BTRC: variants seen among roughly 807,000 people sequenced by gnomAD.
The protein encoded by BTRC is F-box/WD repeat-containing protein 1A.
BTRC carries 42 observed loss-of-function variants against 85.5 expected under a neutral mutation model. The ratio of observed to expected loss-of-function variants is 0.49; its 90% CI spans 0.38 to 0.64. BTRC has a LOEUF of 0.64. BTRC is among the 30% of genes least tolerant of loss of function. The pLI, the probability that BTRC is intolerant of heterozygous loss-of-function variation, is 0.00. For synonymous variants in BTRC, 255 were observed against 263.3 expected (o/e 0.97, Z 0.30); for missense variants, 594 against 743.5 (o/e 0.80, Z 2.34).
At chr10:101,534,347 A>G (rs1462353771) in intron 9 of BTRC, among the ~76,000 whole-genome samples, 4 of 152,202 alleles carry the variant, frequency 2.6e-5, no homozygotes, top group African/African-American at 9.7e-5. Flanking sequence ...TGCTATTGTT[A>G]TTAATCAGAT....
At chr10:101,487,403 T>C (rs1385584695) in intron 4 of BTRC, among the ~76,000 whole-genome samples, 1 of 152,176 alleles carries the variant, frequency 6.6e-6, no homozygotes, top group Non-Finnish European at 1.5e-5. Flanking sequence ...ACTTAAACAT[T>C]TCCTTTTGCT....
intron 4 of BTRC, among the ~76,000 whole-genome samples, chr10:101,491,960 G>T (rs1946144798): frequency 6.7e-6 from 1 of 148,806 alleles, no homozygotes; most frequent in African/African-American, 2.4e-5. Context: ...TGTATGTGTA[G>T]TTGTTGTTGT....
intron 1 of BTRC, among the ~76,000 whole-genome samples, chr10:101,425,139 T>G (rs1944216219): frequency 6.6e-6 from 1 of 152,220 alleles, no homozygotes; most frequent in South Asian, 2.1e-4. Context: ...TTCATTATTT[T>G]TTATGGCTAC....
At chr10:101,435,764 G>A (rs1944512417) in intron 2 of BTRC, among the ~76,000 whole-genome samples, 1 of 152,096 alleles carries the variant, frequency 6.6e-6, no homozygotes, top group African/African-American at 2.4e-5. Flanking sequence ...CTTTAAAAGA[G>A]ACAGTGAAGC....
intron 4 of BTRC, among the ~76,000 whole-genome samples, chr10:101,497,183 AT>A (rs1445256885): frequency 1.3e-5 from 2 of 152,162 alleles, no homozygotes; most frequent in African/African-American, 4.8e-5. Flanking sequence ...ATTATACCGG[AT>A]TGTTTTCTTT....
chr10:101,542,190 T>A (rs1321262731), intron 13 of BTRC, among the ~76,000 whole-genome samples: 2 of 152,194 alleles, frequency 1.3e-5, no homozygotes, highest in East Asian at 3.8e-4. Context: ...AATTATGAAA[T>A]TTATTGAAAT....
chr10:101,357,083 C>T (rs533912652), intron 1 of BTRC, among the ~76,000 whole-genome samples: 1 of 150,578 alleles, frequency 6.6e-6, no homozygotes, highest in Non-Finnish European at 1.5e-5. Context: ...GAGCCAAGAT[C>T]GCGCCACTGC....
Position 101,526,089 on chromosome 10 carries a change from G to A in BTRC, c.633G>A (p.Val211=). ...AATCACTATGTGCTGCTGAACTTGT[G>A]TGCAAGGAATGGTACCGAGTGACCT... The part of the protein sequence containing the change: ...DAKSLCAAEL[V]CKEWYRVTSD... Residue 211 remains valine, a synonymous_variant, in exon 6 of 15, where the codon GTG becomes GTA. Coordinates refer to ENST00000370187, the MANE Select transcript of BTRC (RefSeq NM_033637.4). The A allele has an allele frequency of 1.2e-6, 2 of 1,614,184 alleles. No individual in the cohort carries two copies. Among genetic ancestry groups the A allele is most frequent in the African/African-American group, 1.3e-5 (1 of 75,044 alleles).
At position 101,550,801 on chromosome 10, in the gene BTRC, G is replaced by A. The variant is rs567542583; in HGVS notation, c.1759G>A (p.Ala587Thr). 2.0e-5 allele frequency: 33 copies of A among 1,614,052 alleles called. 1 individual carries two copies. In the East Asian group the frequency reaches 6.2e-4, roughly 31 times the overall value. The stretch of plus-strand genomic sequence containing the variant: ...CATCTGGGACTTCCTAAATGATCCA[G>A]CTGCCCAAGCTGAACCCCCCCGTTC... ...ILIWDFLNDPAAQAEPPRSPS... is the reference protein window; with the variant it reads ...ILIWDFLNDPTAQAEPPRSPS... Residue 587 changes from alanine (A) to threonine (T), a missense_variant, in exon 14 of 15, where the codon GCT becomes ACT. Ala to Thr is a moderately conservative substitution (Grantham distance 58). Around this residue, in one of 4 missense-constraint regions of BTRC, gnomAD observed 56 missense variants for 39.6 expected, o/e 1.41. Coordinates refer to ENST00000370187, the MANE Select transcript of BTRC (RefSeq NM_033637.4).
chr10:101,523,055 T>G (rs936296706), intron 5 of BTRC, among the ~76,000 whole-genome samples: 3 of 152,016 alleles, frequency 2.0e-5, no homozygotes, highest in Admixed American at 2.0e-4. Flanking sequence ...AATACAAAAA[T>G]TAGCTGGGTG....
At chr10:101,383,057 A>ATTTTTTTTTTTTTTTTTTTT (rs370353886) in intron 1 of BTRC, among the ~76,000 whole-genome samples, 1 of 116,516 alleles carries the variant, frequency 8.6e-6, no homozygotes, top group Non-Finnish European at 1.6e-5. Flanking sequence ...TTCCCTGGAG[A>ATTTTTTTTTTTTTTTTTTTT]TTTTTTTTTT....
chr10:101,367,228 G>A (rs1005229837), intron 1 of BTRC, among the ~76,000 whole-genome samples: 4 of 147,904 alleles, frequency 2.7e-5, no homozygotes, highest in Non-Finnish European at 3.0e-5. Flanking sequence ...GCACCACCAC[G>A]CCAGCTAATT....
chr10:101,492,497 A>G (rs1315289349), intron 4 of BTRC, among the ~76,000 whole-genome samples: 2 of 152,196 alleles, frequency 1.3e-5, no homozygotes, highest in East Asian at 3.9e-4. Flanking sequence ...TTTTTCTCTT[A>G]TTCTTGTGAT....
chr10:101,467,306 G>A (rs1945401048), intron 3 of BTRC, among the ~76,000 whole-genome samples: 1 of 146,114 alleles, frequency 6.8e-6, no homozygotes, highest in African/African-American at 2.5e-5. Context: ...GTTTAATGAA[G>A]TCCCTGATAT....
At chr10:101,532,505 A>G in intron 8 of BTRC, 73 bp downstream of exon 8, 1 of 1,454,880 alleles carries the variant, frequency 6.9e-7, no homozygotes, top group South Asian at 1.5e-5. Context: ...AGTCTAAAGC[A>G]TAAACTCTAA....
Position 101,532,518 on chromosome 10 carries a change from A to G in BTRC, c.978+86A>G, listed in dbSNP as rs1589606081. The stretch of plus-strand genomic sequence containing the variant: ...GCAGTCTAAAGCATAAACTCTAAGC[A>G]TTATTTCTAGAAAGTAAGTGAAGAT... On this transcript the variant is annotated intron_variant, in intron 8 of 14. Transcript: ENST00000370187. 4 of 1,415,894 alleles carry G rather than the reference A, an allele frequency of 2.8e-6. No individual in the cohort carries two copies. The East Asian group carries it at 7.3e-5, about 26-fold the overall frequency. 87.7% of individuals were successfully genotyped at this position (1,415,894 alleles called of 1,614,324 possible). A position where few individuals can be genotyped will look rare whatever the true frequency, so the allele number is the denominator to read the frequency against.
At chr10:101,448,468 A>G (rs1274696254) in intron 2 of BTRC, among the ~76,000 whole-genome samples, 3 of 152,208 alleles carry the variant, frequency 2.0e-5, no homozygotes, top group African/African-American at 7.2e-5. Flanking sequence ...GATGTTAACA[A>G]ATGAAAAATT....
chr10:101,393,737 C>T (rs1235262031), intron 1 of BTRC, among the ~76,000 whole-genome samples: 1 of 152,114 alleles, frequency 6.6e-6, no homozygotes, highest in Non-Finnish European at 1.5e-5. Context: ...AGAGTCTTTC[C>T]CTACACACTC....
chr10:101,398,080 G>A (rs893902563), intron 1 of BTRC, among the ~76,000 whole-genome samples: 1 of 152,240 alleles, frequency 6.6e-6, no homozygotes, highest in Non-Finnish European at 1.5e-5. Flanking sequence ...ACAGGTTTTT[G>A]TGGTAATGGC....
Sources: gnomAD v4.1 joint callset for allele counts (sites outside exome capture counted in the v4.1 genomes callset) on GRCh38, gnomAD v4.1.1 for gene constraint, gnomAD v4.1.1 regional missense constraint, MANE v1.5 for transcripts, NCBI Gene and HGNC (gene_info 2026-07-23, HGNC 2026-07-21) for gene names.